DDAH1: variants seen among roughly 807,000 people sequenced by gnomAD.
DDAH1 encodes the protein dimethylarginine dimethylaminohydrolase 1.
Under a neutral mutation model 28.8 loss-of-function variants are expected in DDAH1, and 19 were observed. The ratio of observed to expected loss-of-function variants is 0.66; its 90% CI spans 0.46 to 0.97. The LOEUF (loss-of-function observed/expected upper bound fraction) is 0.97, where lower values mean the gene tolerates loss of function less well. Ranked by LOEUF, DDAH1 falls within the 50% of genes least tolerant of loss-of-function variation. DDAH1 has a pLI of 0.00. For missense variants in DDAH1, 326 were observed against 375.9 expected, an observed-to-expected ratio of 0.87 and a Z score of 1.10; for synonymous variants, 153 against 154.4, an observed-to-expected ratio of 0.99 and a Z score of 0.07.
At position 85,324,863 on chromosome 1, in the gene DDAH1, G is replaced by C. The variant is rs777959221; in HGVS notation, c.618C>G (p.Asp206Glu). Residue 206 changes from aspartate to glutamate, a missense_variant, in exon 5 of 6, where the codon GAC becomes GAG. Physicochemically the swap from Asp to Glu is conservative, Grantham distance 45. Transcript: ENST00000284031. ...KALKIMQQMS[D>E]HRYDKLTVPD... ...GCACAGTGAGTTTGTCGTAGCGGTG[G>C]TCACTCATCTGTTGCATGATCTATA... 6 of 1,613,960 alleles carry C rather than the reference G, an allele frequency of 3.7e-6. No homozygotes were observed. The African/African-American group carries it at 8.0e-5, about 22-fold the overall frequency.
chr1:85,574,683 G>C (rs937778710), intron 1 of DDAH1, among the ~76,000 whole-genome samples: 4 of 152,168 alleles, frequency 2.6e-5, no homozygotes, highest in African/African-American at 9.7e-5. Flanking sequence ...CTAGCACTAT[G>C]CCATGACACA....
intron 4 of DDAH1, among the ~76,000 whole-genome samples, chr1:85,327,861 C>CT (rs1647509508): frequency 6.6e-6 from 1 of 152,228 alleles, no homozygotes; most frequent in Non-Finnish European, 1.5e-5. Context: ...AGTCGGTTCA[C>CT]TTCCCTCTTT....
intron 2 of DDAH1, among the ~76,000 whole-genome samples, chr1:85,477,843 T>C (rs74098852): frequency 0.018 from 2,668 of 152,236 alleles, 45 homozygotes; most frequent in Middle Eastern, 0.075. Context: ...AAAAAAATGC[T>C]GTACAAATTG....
chr1:85,485,065 C>T (rs1046340414), intron 2 of DDAH1, among the ~76,000 whole-genome samples: 1 of 152,206 alleles, frequency 6.6e-6, no homozygotes, highest in Non-Finnish European at 1.5e-5. Flanking sequence ...ACTCACATTA[C>T]ATCAGCATGC....
chr1:85,430,610 G>A (rs568455737), intron 1 of DDAH1, among the ~76,000 whole-genome samples: 14 of 152,068 alleles, frequency 9.2e-5, no homozygotes, highest in South Asian at 4.2e-4. Context: ...GAAGAGGTTC[G>A]TCACATCCCT....
At chr1:85,342,421 G>A (rs1470474486) in intron 4 of DDAH1, among the ~76,000 whole-genome samples, 1 of 150,944 alleles carries the variant, frequency 6.6e-6, no homozygotes, top group Non-Finnish European at 1.5e-5. Flanking sequence ...TGTTGGAGGA[G>A]GAGGTATGGG....
intron 1 of DDAH1, among the ~76,000 whole-genome samples, chr1:85,537,564 A>T (rs1032395328): frequency 2.4e-4 from 1 of 4,224 alleles, no homozygotes; most frequent in Non-Finnish European, 0.038. Flanking sequence ...ACAAAATTAC[A>T]ATTAGGAAGA....
At chr1:85,480,819 A>G (rs1655985665) in intron 2 of DDAH1, among the ~76,000 whole-genome samples, 1 of 151,940 alleles carries the variant, frequency 6.6e-6, no homozygotes, top group Non-Finnish European at 1.5e-5. Flanking sequence ...AAGCCCTATA[A>G]TAAAAGAGTA....
intron 1 of DDAH1, among the ~76,000 whole-genome samples, chr1:85,499,219 A>G (rs1243226213): frequency 6.6e-6 from 1 of 152,124 alleles, no homozygotes; most frequent in African/African-American, 2.4e-5. Flanking sequence ...GAATATATAT[A>G]TTTTTAATTT....
chr1:85,398,130 AAC>A (rs1651896729), intron 1 of DDAH1, among the ~76,000 whole-genome samples: 2 of 152,156 alleles, frequency 1.3e-5, no homozygotes, highest in Non-Finnish European at 2.9e-5. Context: ...GACACTAGAT[AAC>A]CATAGACAAA....
chr1:85,515,883 G>A (rs1237511787), intron 1 of DDAH1, among the ~76,000 whole-genome samples: 1 of 152,174 alleles, frequency 6.6e-6, no homozygotes, highest in Non-Finnish European at 1.5e-5. Flanking sequence ...TTAAACAACA[G>A]AAATGTGTTT....
intron 1 of DDAH1, among the ~76,000 whole-genome samples, chr1:85,541,616 G>T (rs1346396157): frequency 6.6e-6 from 1 of 152,172 alleles, no homozygotes; most frequent in Non-Finnish European, 1.5e-5. Flanking sequence ...CATTTGGGTG[G>T]TAGAGTTCAC....
intron 1 of DDAH1, among the ~76,000 whole-genome samples, chr1:85,529,148 A>G (rs1243040280): frequency 6.6e-6 from 1 of 151,572 alleles, no homozygotes; most frequent in Non-Finnish European, 1.5e-5. Flanking sequence ...TATTTAAAGA[A>G]ACTTTGTGGT....
Position 85,320,300 on chromosome 1 carries a change from G to C in DDAH1, c.*1152C>G, listed in dbSNP as rs2100777681. ...ATATTTCAAAGTAGAATTGTCCACT[G>C]TCTGGGGTTGGGTTCAAGCATCAAG... On this transcript the variant is annotated 3_prime_UTR_variant, in exon 6 of 6. Coordinates refer to ENST00000284031, the MANE Select transcript of DDAH1 (RefSeq NM_012137.4). 6.5e-6 allele frequency: 1 copy of C among 152,760 alleles called. No homozygotes were observed. Among genetic ancestry groups the C allele is most frequent in the African/African-American group, 2.4e-5 (1 of 41,568 alleles). 9.5% of individuals were successfully genotyped at this position (152,760 alleles called of 1,614,324 possible). A position where few individuals can be genotyped will look rare whatever the true frequency, so the allele number is the denominator to read the frequency against.
At chr1:85,420,338 A>C (rs1048355751) in intron 1 of DDAH1, among the ~76,000 whole-genome samples, 1 of 152,204 alleles carries the variant, frequency 6.6e-6, no homozygotes, top group African/African-American at 2.4e-5. Flanking sequence ...CCAGGTTGCA[A>C]ATTTTCCAAA....
At chr1:85,383,359 T>C (rs1651093147) in intron 1 of DDAH1, among the ~76,000 whole-genome samples, 1 of 152,228 alleles carries the variant, frequency 6.6e-6, no homozygotes, top group African/African-American at 2.4e-5. Context: ...AAGTGCAGCC[T>C]GAAGATATGA....
At chr1:85,346,735 A>G (rs975408608) in intron 4 of DDAH1, among the ~76,000 whole-genome samples, 2 of 129,796 alleles carry the variant, frequency 1.5e-5, no homozygotes, top group South Asian at 2.6e-4. Flanking sequence ...TTATATTTCT[A>G]TGTTAGTTAG....
intron 1 of DDAH1, among the ~76,000 whole-genome samples, chr1:85,506,370 G>A (rs1436841838): frequency 1.3e-5 from 2 of 152,174 alleles, no homozygotes; most frequent in Admixed American, 6.5e-5. Context: ...TTTTCATTCT[G>A]CAGCAGTTTT....
intron 4 of DDAH1, among the ~76,000 whole-genome samples, chr1:85,325,467 G>A (rs1262767804): frequency 6.6e-6 from 1 of 152,090 alleles, no homozygotes; most frequent in Non-Finnish European, 1.5e-5. Flanking sequence ...AGCCACCTGG[G>A]GAGAATAAGA....
Sources: allele counts gnomAD v4.1 joint callset (sites outside exome capture counted in the v4.1 genomes callset), GRCh38; gene constraint gnomAD v4.1.1; transcripts MANE v1.5; gene names NCBI Gene and HGNC (gene_info 2026-07-23, HGNC 2026-07-21).